The following KCNIP4 variants were observed in gnomAD, a reference collection of about 807,000 sequenced individuals.
KCNIP4 encodes the protein potassium voltage-gated channel interacting protein 4, also known as Kv channel-interacting protein 4.
In KCNIP4, 12 loss-of-function variants were observed where a neutral mutation model predicts 34.0. The ratio of observed to expected loss-of-function variants is 0.35; its 90% confidence interval spans 0.23 to 0.57. The LOEUF is 0.57. Ranked by LOEUF, KCNIP4 falls within the 20% of genes least tolerant of loss-of-function variation. KCNIP4 has a pLI of 0.83. For missense variants in KCNIP4, 238 were observed against 311.7 expected (o/e 0.76, Z 1.78); for synonymous variants, 124 against 102.2 (o/e 1.21, Z -1.29).
intron 1 of KCNIP4, among the ~76,000 whole-genome samples, chr4:21,064,169 A>G (rs952957568): frequency 1.3e-5 from 2 of 152,276 alleles, no homozygotes; most frequent in Admixed American, 1.3e-4. Context: ...CTTTCATATT[A>G]CTGCTTTACA....
At chr4:21,635,844 G>A (rs1196525246) in intron 1 of KCNIP4, among the ~76,000 whole-genome samples, 1 of 151,378 alleles carries the variant, frequency 6.6e-6, no homozygotes, top group Non-Finnish European at 1.5e-5. Context: ...GCACACGTAT[G>A]TTTATTGCGG....
chr4:21,824,946 G>T (rs1465524539), intron 1 of KCNIP4, among the ~76,000 whole-genome samples: 1 of 152,076 alleles, frequency 6.6e-6, no homozygotes, highest in East Asian at 1.9e-4. Flanking sequence ...CTATAATATT[G>T]CAATAAGGCA....
chr4:21,681,976 C>G (rs1750396657), intron 1 of KCNIP4, among the ~76,000 whole-genome samples: 1 of 151,920 alleles, frequency 6.6e-6, no homozygotes, highest in South Asian at 2.1e-4. Flanking sequence ...ACAACCTCTG[C>G]CTCTTGGGTT....
intron 1 of KCNIP4, among the ~76,000 whole-genome samples, chr4:21,232,586 A>C (rs1758876456): frequency 6.6e-6 from 1 of 152,194 alleles, no homozygotes; most frequent in East Asian, 1.9e-4. Flanking sequence ...TTGAGAATTT[A>C]CTATGTATTA....
chr4:21,762,963 G>A (rs1255356466), intron 1 of KCNIP4: 2 of 1,288,826 alleles, frequency 1.6e-6, no homozygotes, highest in South Asian at 2.5e-5. Context: ...GTCTCCCTCT[G>A]GGACCACTGG....
chr4:21,125,497 G>C lies in KCNIP4; in HGVS notation c.62-242788C>G, dbSNP rs562471773. Among the ~76,000 whole-genome samples, 42 of 152,094 alleles carry C rather than the reference G, an allele frequency of 2.8e-4. 2 individuals are homozygous for C. The highest frequency in any genetic ancestry group is 4.4e-5 in the Non-Finnish European group (3 of 68,026). On this transcript the variant is annotated intron_variant, in intron 1 of 8. Transcript: ENST00000382152. ...TCCAAAGTGTTGGGATTCCAGGTGT[G>C]AGCCAACGCGCCTGGCCCATCAGGG...
At position 21,483,606 on chromosome 4, in the gene KCNIP4, G is replaced by C. The variant is rs557897328; in HGVS notation, c.61+464965C>G. Among the ~76,000 whole-genome samples the C allele has an allele frequency of 2.8e-3, 423 of 151,090 alleles. 1 individual carries two copies. The highest frequency in any genetic ancestry group is 9.7e-3 in the African/African-American group (398 of 41,158). ...AGATAGAGATCATTCTGGCTAATAT[G>C]GTGAAACCCCATCTCTACTAAAAAT... On this transcript the variant is annotated intron_variant, in intron 1 of 8. Coordinates refer to ENST00000382152, the MANE Select transcript of KCNIP4 (RefSeq NM_025221.6).
Position 21,694,933 on chromosome 4 carries a change from A to C in KCNIP4, c.61+253638T>G, listed in dbSNP as rs866384471. The stretch of plus-strand genomic sequence containing the variant: ...ATTGACCAAAAAAAAAAAAAAAATA[A>C]AAATAAATAAATAAATAAAGGGCTT... On this transcript the variant is annotated intron_variant, in intron 1 of 8. Transcript: ENST00000382152. 1.9e-3 allele frequency among the ~76,000 whole-genome samples: 116 copies of C among 61,500 alleles called. 8 individuals carry two copies. Among genetic ancestry groups the C allele is most frequent in the Non-Finnish European group, 4.5e-3 (95 of 21,196 alleles). The allele number at this position is 61,500 out of a possible 152,430, so 40.3% of individuals were successfully genotyped here.
chr4:21,593,362 A>G (rs1742374235), intron 1 of KCNIP4, among the ~76,000 whole-genome samples: 1 of 152,142 alleles, frequency 6.6e-6, no homozygotes, highest in Non-Finnish European at 1.5e-5. Context: ...AAGAGCAAAG[A>G]CAGAGTGGGA....
chr4:21,619,705 A>G (rs1744873784), intron 1 of KCNIP4, among the ~76,000 whole-genome samples: 2 of 152,334 alleles, frequency 1.3e-5, no homozygotes, highest in African/African-American at 4.8e-5. Flanking sequence ...TTCATCATCT[A>G]TTCAGTAACT....
chr4:21,906,105 G>T (rs111732955), intron 1 of KCNIP4, among the ~76,000 whole-genome samples: 4 of 152,132 alleles, frequency 2.6e-5, no homozygotes, highest in African/African-American at 9.7e-5. Flanking sequence ...GGCTACAGTG[G>T]CAATGTTAAG....
intron 1 of KCNIP4, among the ~76,000 whole-genome samples, chr4:21,757,971 C>T (rs1021513279): frequency 6.6e-6 from 1 of 152,124 alleles, no homozygotes; most frequent in Non-Finnish European, 1.5e-5. Context: ...GTAATTTGAC[C>T]TTAGTATGCC....
intron 1 of KCNIP4, among the ~76,000 whole-genome samples, chr4:20,930,319 G>A (rs751728353): frequency 1.3e-5 from 2 of 152,000 alleles, no homozygotes; most frequent in Non-Finnish European, 2.9e-5. Flanking sequence ...GCAGAAGAAT[G>A]AAATTGGACC....
intron 1 of KCNIP4, among the ~76,000 whole-genome samples, chr4:21,631,290 A>G (rs755040160): frequency 1.7e-4 from 26 of 152,236 alleles, no homozygotes; most frequent in Non-Finnish European, 1.3e-4. Context: ...AAAAAAAGAT[A>G]GTAATATAAG....
chr4:20,831,172 T>C (rs541390925), intron 3 of KCNIP4, among the ~76,000 whole-genome samples: 16 of 151,694 alleles, frequency 1.1e-4, no homozygotes, highest in Admixed American at 1.1e-3. Context: ...GCTCAGCAAT[T>C]GAGCATCAGG....
At chr4:21,189,423 T>A (rs1755473111) in intron 1 of KCNIP4, among the ~76,000 whole-genome samples, 1 of 152,228 alleles carries the variant, frequency 6.6e-6, no homozygotes, top group South Asian at 2.1e-4. Context: ...GTATCTCTGT[T>A]TAAGATCCCA....
chr4:20,845,653 A>G (rs1233299059), intron 3 of KCNIP4, among the ~76,000 whole-genome samples: 1 of 152,074 alleles, frequency 6.6e-6, no homozygotes, highest in East Asian at 1.9e-4. Context: ...TGACTGTACT[A>G]CCCATTAGAG....
chr4:21,183,225 T>C (rs1754974318), intron 1 of KCNIP4, among the ~76,000 whole-genome samples: 1 of 152,182 alleles, frequency 6.6e-6, no homozygotes, highest in Admixed American at 6.5e-5. Context: ...CTATTGTGTA[T>C]ATGTACCACA....
chr4:20,963,073 G>A (rs1020529156), intron 1 of KCNIP4, among the ~76,000 whole-genome samples: 1 of 152,080 alleles, frequency 6.6e-6, no homozygotes, highest in South Asian at 2.1e-4. Flanking sequence ...TGTAATCCCA[G>A]CACTTTGGGA....
Sources: allele counts gnomAD v4.1 joint callset (sites outside exome capture counted in the v4.1 genomes callset), GRCh38; gene constraint gnomAD v4.1.1; transcripts MANE v1.5; gene names NCBI Gene and HGNC (gene_info 2026-07-23, HGNC 2026-07-21).